The following TARDBP variants were observed in gnomAD, a reference collection of about 807,000 sequenced individuals.
TARDBP encodes TAR DNA-binding protein 43.
A neutral mutation model predicts 38.3 loss-of-function variants in TARDBP; 4 were observed. The ratio of observed to expected loss-of-function variants is 0.10; its 90% CI spans 0.05 to 0.24. The LOEUF (loss-of-function observed/expected upper bound fraction) is 0.24. Ranked by LOEUF, TARDBP falls within the 10% of genes least tolerant of loss-of-function variation. TARDBP has a pLI of 1.00. For synonymous variants in TARDBP, 184 were observed against 183.8 expected, an observed-to-expected ratio of 1.00 and a Z score of -0.01; for missense variants, 202 against 521.9, an observed-to-expected ratio of 0.39 and a Z score of 5.97.
intron 3 of TARDBP, 68 bp downstream of exon 3, chr1:11,017,075 T>C (rs1414649072): frequency 1.3e-6 from 2 of 1,522,888 alleles, no homozygotes; most frequent in East Asian, 4.5e-5. Context: ...TATTTATTGG[T>C]ATAAATAGAG....
downstream of TARDBP, chr1:11,026,656 A>C (rs1260245884): frequency 5.3e-6 from 2 of 374,654 alleles, no homozygotes; most frequent in African/African-American, 4.2e-5. Flanking sequence ...CTGGGTGGGC[A>C]AAGATGACTG....
downstream of TARDBP, chr1:11,027,615 C>G (rs571956287): frequency 6.2e-7 from 1 of 1,613,668 alleles, no homozygotes; most frequent in Admixed American, 1.7e-5. Flanking sequence ...TCCATATATA[C>G]GCCCTCCTGT....
rs1283180613 is a variant in TARDBP, at chr1:11,023,965, A to C, written c.*1311A>C. 2.6e-5 allele frequency: 4 copies of C among 152,636 alleles called. No homozygotes were observed. The highest frequency in any genetic ancestry group is 9.7e-5 in the African/African-American group (4 of 41,450). The allele number at this position is 152,636 out of a possible 1,614,324, so 9.5% of individuals were successfully genotyped here. A position where few individuals can be genotyped will look rare whatever the true frequency, so the allele number is the denominator to read the frequency against. The stretch of plus-strand genomic sequence containing the variant: ...TACCCATAAGAATGCTGTTTGCTGC[A>C]GTTCTGTGTCCTGTGCTTGGATGCT... On this transcript the variant is annotated 3_prime_UTR_variant, in exon 6 of 6. Coordinates refer to ENST00000240185, the MANE Select transcript of TARDBP (RefSeq NM_007375.4).
At chr1:11,016,523 A>G (rs1643528618) in intron 2 of TARDBP, among the ~76,000 whole-genome samples, 1 of 152,236 alleles carries the variant, frequency 6.6e-6, no homozygotes, top group African/African-American at 2.4e-5. Flanking sequence ...ATCAGGATAT[A>G]CAAGTTGCTG....
At chr1:11,028,984 T>C (rs1570734988), downstream of TARDBP, among the ~76,000 whole-genome samples, 1 of 147,018 alleles carries the variant, frequency 6.8e-6, no homozygotes, top group Non-Finnish European at 1.5e-5. Flanking sequence ...AAGTGCTGAC[T>C]TTTTTTTTCT....
chr1:11,029,307 G>GT (rs1466077965), downstream of TARDBP, among the ~76,000 whole-genome samples: 1 of 147,106 alleles, frequency 6.8e-6, no homozygotes, highest in Non-Finnish European at 1.5e-5. Context: ...GCCCTGATTT[G>GT]TTTTTTTAAA....
chr1:11,026,501 A>G (rs1408951685), downstream of TARDBP: 3 of 159,240 alleles, frequency 1.9e-5, no homozygotes, highest in Non-Finnish European at 2.7e-5. Context: ...TACTGCCATA[A>G]TATATAAAGC....
chr1:11,027,093 C>T (rs764932450), downstream of TARDBP: 4 of 1,603,440 alleles, frequency 2.5e-6, no homozygotes, highest in Non-Finnish European at 3.4e-6. Context: ...TAAGCCAGCA[C>T]AAAGCATGTT....
intron 5 of TARDBP, among the ~76,000 whole-genome samples, chr1:11,021,061 A>G (rs1358930986): frequency 6.6e-6 from 1 of 152,218 alleles, no homozygotes; most frequent in Non-Finnish European, 1.5e-5. Context: ...TGATATCACA[A>G]ATACAACATT....
In TARDBP at chr1:11,022,917, A is replaced by T; in HGVS notation, c.*263A>T. On this transcript the variant is annotated 3_prime_UTR_variant, in exon 6 of 6. Transcript: ENST00000240185. This position sits in a 1 kb window ranked among gnomAD's most constrained non-coding sequence, Gnocchi z 4.5. The stretch of plus-strand genomic sequence containing the variant: ...GTTTGCCTGATTGGTAAACCAACAC[A>T]CTACAATTGATATCAAAAGGTTTCT... 1 of 1,364,372 alleles carries T rather than the reference A, an allele frequency of 7.3e-7. No homozygotes were observed. The highest frequency in any genetic ancestry group is 9.4e-7 in the Non-Finnish European group (1 of 1,060,134). 84.5% of individuals were successfully genotyped at this position (1,364,372 alleles called of 1,614,324 possible). A position where few individuals can be genotyped will look rare whatever the true frequency, so the allele number is the denominator to read the frequency against.
rs564700348 is a variant in TARDBP, at chr1:11,024,709, G to A, written c.*2055G>A. On this transcript the variant is annotated 3_prime_UTR_variant, in exon 6 of 6. Transcript: ENST00000240185. ...TTTGTCCTCCAGGAGGTGGGGGAAT[G>A]TGGTAACATTGAATACAGTTGAATA... is the stretch of plus-strand genomic sequence containing the variant. 1.3e-5 allele frequency: 2 copies of A among 152,830 alleles called. No individual in the cohort carries two copies. The highest frequency in any genetic ancestry group is 4.8e-5 in the African/African-American group (2 of 41,578). The allele number at this position is 152,830 out of a possible 1,614,324, so 9.5% of individuals were successfully genotyped here. A position where few individuals can be genotyped will look rare whatever the true frequency, so the allele number is the denominator to read the frequency against.
chr1:11,018,997 T>C (rs899223394), intron 4 of TARDBP, 124 bp downstream of exon 4: 2 of 1,399,334 alleles, frequency 1.4e-6, no homozygotes, highest in Admixed American at 1.7e-5. Context: ...TTTTGTCTTG[T>C]TGAAGTCTTT....
intron 1 of TARDBP, among the ~76,000 whole-genome samples, chr1:11,013,104 C>T (rs1230135670): frequency 6.6e-6 from 1 of 152,252 alleles, no homozygotes; most frequent in African/African-American, 2.4e-5. Flanking sequence ...CCTCGGCTGG[C>T]ACGCGCGGGC....
chr1:11,027,836 C>A (rs564928597), downstream of TARDBP, among the ~76,000 whole-genome samples: 13 of 152,288 alleles, frequency 8.5e-5, 1 homozygote, highest in South Asian at 2.7e-3. Context: ...CCTGATAAAA[C>A]CTTTTGGTAT....
chr1:11,028,355 A>G (rs536656315), downstream of TARDBP, among the ~76,000 whole-genome samples: 10 of 152,310 alleles, frequency 6.6e-5, no homozygotes, highest in South Asian at 2.1e-3. Context: ...ATGGGTATTT[A>G]TGTAATCCTA....
chr1:11,026,677 G>A (rs1643737838), downstream of TARDBP: 1 of 394,534 alleles, frequency 2.5e-6, no homozygotes. Flanking sequence ...TCACTCTCGT[G>A]GTTTATGTCC....
chr1:11,027,276 T>G (rs373806675), downstream of TARDBP: 177 of 1,613,830 alleles, frequency 1.1e-4, no homozygotes, highest in Non-Finnish European at 1.4e-4. Flanking sequence ...GGATTCAGCT[T>G]CTTTTCTTGG....
intron 4 of TARDBP, 142 bp from the exon 5 acceptor site, chr1:11,020,287 T>TG: frequency 1.1e-6 from 1 of 932,848 alleles, no homozygotes; most frequent in Non-Finnish European, 1.7e-6. Flanking sequence ...GAAATGCTGA[T>TG]GGAAAAAATT....
chr1:11,016,993 G>C lies in TARDBP; in HGVS notation c.388G>C (p.Val130Leu). 3 of 1,614,136 alleles carry C rather than the reference G, an allele frequency of 1.9e-6. No individual in the cohort carries two copies. Among genetic ancestry groups the C allele is most frequent in the Non-Finnish European group, 2.5e-6 (3 of 1,180,028 alleles). The change falls in exon 3 of 6, where the codon GTT becomes CTT. Residue 130 changes from valine to leucine, a missense_variant. Physicochemically the swap from Val to Leu is conservative, Grantham distance 32. Transcript: ENST00000240185. ...LKEYFSTFGE[V>L]LMVQVKKDLK... ...AGAGTATTTTAGTACCTTTGGAGAA[G>C]TTCTTATGGTGCAGGTAAACTTCGA...
Sources: gnomAD v4.1 joint callset for allele counts (sites outside exome capture counted in the v4.1 genomes callset) on GRCh38, gnomAD v4.1.1 for gene constraint, Gnocchi (gnomAD v3.1) non-coding constraint, MANE v1.5 for transcripts, NCBI Gene and HGNC (gene_info 2026-07-23, HGNC 2026-07-21) for gene names.